The following SNTG1 variants were observed in gnomAD, a reference collection of about 807,000 sequenced individuals.
SNTG1 encodes syntrophin gamma 1.
In SNTG1, 39 loss-of-function variants were observed where a neutral mutation model predicts 74.7. The observed-to-expected ratio is 0.52, with a 90% CI of 0.40 to 0.68. The LOEUF is 0.68. Among genes scored for constraint, SNTG1 ranks in the 30% least tolerant of loss-of-function variants. The pLI, the probability that SNTG1 is intolerant of heterozygous loss-of-function variation, is 0.00. For missense variants in SNTG1, 685 were observed against 609.5 expected (o/e 1.12, Z -1.30); for synonymous variants, 254 against 217.1 (o/e 1.17, Z -1.49).
chr8:50,208,874 C>G (rs2084374040), intron 2 of SNTG1, among the ~76,000 whole-genome samples: 1 of 152,150 alleles, frequency 6.6e-6, no homozygotes, highest in Non-Finnish European at 1.5e-5. Flanking sequence ...AGTGAGGTAC[C>G]AGGTTCATCT....
At chr8:50,214,255 T>G in intron 2 of SNTG1, among the ~76,000 whole-genome samples, 1 of 98,838 alleles carries the variant, frequency 1.0e-5, no homozygotes, top group African/African-American at 4.1e-5. Context: ...CTGGGGACTG[T>G]TGTGGGGTGG....
chr8:50,559,350 A>G (rs2094474061), intron 12 of SNTG1, among the ~76,000 whole-genome samples: 1 of 152,214 alleles, frequency 6.6e-6, no homozygotes, highest in African/African-American at 2.4e-5. Flanking sequence ...TTTGTTTCCT[A>G]GAGAAAGCCT....
At chr8:50,655,533 T>G (rs1258858042) in intron 13 of SNTG1, among the ~76,000 whole-genome samples, 1 of 152,198 alleles carries the variant, frequency 6.6e-6, no homozygotes. Flanking sequence ...CTAACTTATA[T>G]CAAGTTTGAT....
intron 1 of SNTG1, among the ~76,000 whole-genome samples, chr8:49,962,150 G>A (rs1467187067): frequency 1.3e-5 from 2 of 152,090 alleles, no homozygotes; most frequent in African/African-American, 4.8e-5. Context: ...AAGAGGTGTA[G>A]GGTGGGGAGA....
At chr8:50,622,792 G>T (rs1160442954) in intron 13 of SNTG1, among the ~76,000 whole-genome samples, 1 of 151,920 alleles carries the variant, frequency 6.6e-6, no homozygotes, top group African/African-American at 2.4e-5. Flanking sequence ...ATTAGCAGAT[G>T]AAATTTCTAA....
At chr8:50,319,385 C>T (rs201917739) in intron 2 of SNTG1, among the ~76,000 whole-genome samples, 1 of 129,216 alleles carries the variant, frequency 7.7e-6, no homozygotes, top group Non-Finnish European at 1.8e-5. Flanking sequence ...AATAAATAAA[C>T]AAAAAGGAAT....
At chr8:50,071,462 C>T (rs1445487128) in intron 1 of SNTG1, among the ~76,000 whole-genome samples, 4 of 151,832 alleles carry the variant, frequency 2.6e-5, no homozygotes, top group African/African-American at 7.3e-5. Flanking sequence ...GTATTATATA[C>T]GTATACATAT....
chr8:50,767,377 T>G (rs2131768777), intron 18 of SNTG1, among the ~76,000 whole-genome samples: 1 of 152,060 alleles, frequency 6.6e-6, no homozygotes, highest in East Asian at 1.9e-4. Flanking sequence ...GAGAACTTTG[T>G]TTTATCTTTT....
chr8:49,973,642 G>A (rs888456421), intron 1 of SNTG1, among the ~76,000 whole-genome samples: 1 of 151,996 alleles, frequency 6.6e-6, no homozygotes, highest in Non-Finnish European at 1.5e-5. Flanking sequence ...AATATTTGAA[G>A]CAAGGAATAA....
rs1333472636 is a variant in SNTG1 at position 50,336,667 on chromosome 8, ATGTT to A, written c.-27-57534_-27-57531del. On this transcript the variant is annotated intron_variant, in intron 2 of 18. Coordinates refer to ENST00000642720, the MANE Select transcript of SNTG1 (RefSeq NM_018967.5). The stretch of plus-strand genomic sequence containing the variant: ...TCCTTACATATGGTAAACCCACACT[ATGTT>A]TGTTTGTTTGAAGGCTTAATATGTA... Among the ~76,000 whole-genome samples the A allele has an allele frequency of 2.6e-5, 4 of 152,322 alleles. No homozygotes were observed. In the East Asian group the frequency reaches 5.8e-4, roughly 22 times the overall value.
chr8:50,328,818 T>C (rs1021632229), intron 2 of SNTG1, among the ~76,000 whole-genome samples: 15 of 152,170 alleles, frequency 9.9e-5, no homozygotes, highest in African/African-American at 3.6e-4. Flanking sequence ...TTCCCAACAG[T>C]CCCAAAAAGT....
At chr8:50,043,982 T>A in intron 1 of SNTG1, among the ~76,000 whole-genome samples, 1 of 152,172 alleles carries the variant, frequency 6.6e-6, no homozygotes, top group East Asian at 1.9e-4. Flanking sequence ...AAATAAATCA[T>A]CTATGATAAC....
chr8:50,791,108 T>C (rs141493070), intron 18 of SNTG1, among the ~76,000 whole-genome samples: 46 of 152,024 alleles, frequency 3.0e-4, no homozygotes, highest in African/African-American at 9.9e-4. Flanking sequence ...TTTGGGAAGA[T>C]AGAGAAAGTA....
At chr8:50,136,129 C>T (rs1486700314) in intron 1 of SNTG1, among the ~76,000 whole-genome samples, 3 of 152,184 alleles carry the variant, frequency 2.0e-5, no homozygotes, top group African/African-American at 7.2e-5. Flanking sequence ...CTATATGTAC[C>T]ACATTTTCTT....
At chr8:50,269,308 A>G (rs1409942426) in intron 2 of SNTG1, among the ~76,000 whole-genome samples, 3 of 152,190 alleles carry the variant, frequency 2.0e-5, no homozygotes, top group Non-Finnish European at 4.4e-5. Flanking sequence ...TTGAAAGTAA[A>G]TATTTGCAAA....
chr8:50,253,016 C>A (rs1053969874), intron 2 of SNTG1, among the ~76,000 whole-genome samples: 2 of 152,080 alleles, frequency 1.3e-5, no homozygotes, highest in African/African-American at 4.8e-5. Context: ...TTATATAAAA[C>A]CCAAAAGAAA....
chr8:50,546,706 A>T (rs946222228), intron 11 of SNTG1, among the ~76,000 whole-genome samples: 1 of 152,110 alleles, frequency 6.6e-6, no homozygotes, highest in East Asian at 1.9e-4. Flanking sequence ...TACAAAGGAC[A>T]TGAACTCATC....
intron 2 of SNTG1, among the ~76,000 whole-genome samples, chr8:50,201,251 C>A (rs2083975963): frequency 6.6e-6 from 1 of 152,220 alleles, no homozygotes; most frequent in East Asian, 1.9e-4. Context: ...TGATATTTTG[C>A]TATAATAATG....
intron 2 of SNTG1, among the ~76,000 whole-genome samples, chr8:50,255,581 G>A (rs1362534391): frequency 6.6e-6 from 1 of 152,106 alleles, no homozygotes. Flanking sequence ...ATAGCTTCCG[G>A]TGGTTTGCTG....
Sources: gnomAD v4.1 joint callset for allele counts (sites outside exome capture counted in the v4.1 genomes callset) on GRCh38, gnomAD v4.1.1 for gene constraint, MANE v1.5 for transcripts, NCBI Gene and HGNC (gene_info 2026-07-23, HGNC 2026-07-21) for gene names.